Variants in ITPR1 observed in about 807,000 individuals in gnomAD.
The protein encoded by ITPR1 is inositol 1,4,5-trisphosphate receptor type 1.
ITPR1 carries 96 observed loss-of-function variants against 318.4 expected under a neutral mutation model. The observed-to-expected ratio is 0.30, with a 90% CI of 0.26 to 0.36. ITPR1 has a LOEUF of 0.36. Ranked by LOEUF, ITPR1 falls within the 10% of genes least tolerant of loss-of-function variation. The probability of loss-of-function intolerance (pLI) is 1.00; values close to 1 mark genes in which losing one functional copy is unlikely to be tolerated. For missense variants in ITPR1, 2,440 were observed against 3,460.2 expected (o/e 0.71, Z 7.40); for synonymous variants, 1,312 against 1,289.9 (o/e 1.02, Z -0.37).
intron 2 of ITPR1, among the ~76,000 whole-genome samples, chr3:4,514,898 T>C (rs9819848): frequency 0.023 from 3,445 of 152,318 alleles, 124 homozygotes; most frequent in African/African-American, 0.077. Context: ...ATATAAAATA[T>C]GTAGTTACGA....
intron 4 of ITPR1, among the ~76,000 whole-genome samples, chr3:4,550,262 G>A (rs895616767): frequency 6.6e-6 from 1 of 152,056 alleles, no homozygotes; most frequent in African/African-American, 2.4e-5. Context: ...TAGACTCAAG[G>A]GCCACAGCAA....
intron 5 of ITPR1, among the ~76,000 whole-genome samples, chr3:4,628,094 C>G (rs1022978927): frequency 6.6e-6 from 1 of 152,166 alleles, no homozygotes; most frequent in South Asian, 2.1e-4. Flanking sequence ...TTCTCAGCCA[C>G]TCTCTTTGCA....
At chr3:4,734,633 C>A (rs988254040) in intron 43 of ITPR1, among the ~76,000 whole-genome samples, 3 of 152,216 alleles carry the variant, frequency 2.0e-5, no homozygotes, top group African/African-American at 7.2e-5. Context: ...TATTCATCTC[C>A]CCCATCCCCA....
At chr3:4,705,261 G>T (rs1364938148) in intron 36 of ITPR1, among the ~76,000 whole-genome samples, 4 of 152,062 alleles carry the variant, frequency 2.6e-5, no homozygotes, top group African/African-American at 9.7e-5. Context: ...ATAATTTCAG[G>T]TTTATGGGAC....
intron 12 of ITPR1, among the ~76,000 whole-genome samples, chr3:4,657,385 AGTTTTTTTTTT>A (rs1196688303): frequency 8.3e-6 from 1 of 121,136 alleles, no homozygotes; most frequent in Non-Finnish European, 1.5e-5. Flanking sequence ...ATGTACCTAG[AGTTTTTTTTTT>A]GTTTTTTTTT....
intron 4 of ITPR1, among the ~76,000 whole-genome samples, chr3:4,582,837 C>T (rs73009417): frequency 2.6e-5 from 4 of 152,204 alleles, no homozygotes; most frequent in Middle Eastern, 3.4e-3. Flanking sequence ...TGTTCTCCTT[C>T]TTCCAGCTCT....
At chr3:4,587,080 C>T (rs999011054) in intron 4 of ITPR1, among the ~76,000 whole-genome samples, 42 of 152,082 alleles carry the variant, frequency 2.8e-4, no homozygotes, top group Non-Finnish European at 5.9e-5. Context: ...TTTTACATTT[C>T]CCTGGAGATT....
chr3:4,731,481 C>T (rs1331744082), intron 42 of ITPR1, among the ~76,000 whole-genome samples: 3 of 152,176 alleles, frequency 2.0e-5, no homozygotes, highest in African/African-American at 7.2e-5. Context: ...AGAAGTTACC[C>T]TCCTTTGCTG....
intron 30 of ITPR1, among the ~76,000 whole-genome samples, chr3:4,687,298 C>G: frequency 6.6e-6 from 1 of 152,252 alleles, no homozygotes; most frequent in Non-Finnish European, 1.5e-5. Context: ...GAACCAAAAG[C>G]TAACATTTAC....
chr3:4,807,526 A>C (rs2048661686), intron 55 of ITPR1, among the ~76,000 whole-genome samples: 1 of 152,176 alleles, frequency 6.6e-6, no homozygotes, highest in Non-Finnish European at 1.5e-5. Context: ...AGGGTCTTAG[A>C]ATAGCACTGC....
intron 46 of ITPR1, among the ~76,000 whole-genome samples, chr3:4,774,552 C>T (rs1343308768): frequency 6.6e-6 from 1 of 152,214 alleles, no homozygotes; most frequent in Non-Finnish European, 1.5e-5. Flanking sequence ...CATTAAAATA[C>T]TCTATTTCTC....
intron 2 of ITPR1, among the ~76,000 whole-genome samples, chr3:4,496,677 G>A (rs868599833): frequency 6.6e-6 from 1 of 152,118 alleles, no homozygotes; most frequent in South Asian, 2.1e-4. Flanking sequence ...TTGGTATTGC[G>A]GGGAGGGAGG....
At chr3:4,558,242 T>C (rs1278054301) in intron 4 of ITPR1, among the ~76,000 whole-genome samples, 1 of 152,104 alleles carries the variant, frequency 6.6e-6, no homozygotes, top group African/African-American at 2.4e-5. Flanking sequence ...TTGAAGAAAG[T>C]TAAGGACATA....
chr3:4,667,662 GT>G lies in ITPR1; in HGVS notation c.1886+115del. The G allele has an allele frequency of 3.8e-6, 4 of 1,053,902 alleles. No individual in the cohort carries two copies. The South Asian group carries it at 5.6e-5, about 15-fold the overall frequency. 65.3% of individuals were successfully genotyped at this position (1,053,902 alleles called of 1,614,324 possible). ...TGCTGCTAGTGACAAGTTTTGATTAGTTAGGTCTGGAGAGGCTTTTTGATGA... is the reference window on the plus strand; with the variant it reads ...TGCTGCTAGTGACAAGTTTTGATTAGTAGGTCTGGAGAGGCTTTTTGATGA... On this transcript the variant is annotated intron_variant, in intron 18 of 61. Coordinates refer to ENST00000649015, the MANE Select transcript of ITPR1 (RefSeq NM_001378452.1).
chr3:4,768,916 TTC>T lies in ITPR1; in HGVS notation c.5979+154_5979+155del, dbSNP rs796445258. Among the ~76,000 whole-genome samples, 5,843 of 149,920 alleles carry T rather than the reference TTC, an allele frequency of 0.039. 389 individuals are homozygous for T. The highest frequency in any genetic ancestry group is 0.14 in the African/African-American group (5,564 of 40,486). ...TTTTTTCCTTTTTCTTTTTTCTTTT[TTC>T]TTTTTTTTTGAGATGGAGTCTCGCT... On this transcript the variant is annotated intron_variant, in intron 46 of 61. Coordinates refer to ENST00000649015, the MANE Select transcript of ITPR1 (RefSeq NM_001378452.1).
At chr3:4,806,719 G>C (rs1352217486) in intron 55 of ITPR1, among the ~76,000 whole-genome samples, 1 of 152,150 alleles carries the variant, frequency 6.6e-6, no homozygotes, top group Non-Finnish European at 1.5e-5. Flanking sequence ...CGGGATTCAT[G>C]ATCATGAGCT....
At chr3:4,523,474 CA>C (rs1392014617) in intron 4 of ITPR1, among the ~76,000 whole-genome samples, 1 of 151,614 alleles carries the variant, frequency 6.6e-6, no homozygotes, top group Non-Finnish European at 1.5e-5. Context: ...TAGTGAGTTT[CA>C]AATATACGGT....
intron 4 of ITPR1, among the ~76,000 whole-genome samples, chr3:4,598,174 T>C (rs2090998425): frequency 6.6e-6 from 1 of 152,226 alleles, no homozygotes; most frequent in Non-Finnish European, 1.5e-5. Flanking sequence ...CTCCCCTGGT[T>C]GAAAGGAAGC....
chr3:4,717,055 C>T (rs140502534), intron 39 of ITPR1, among the ~76,000 whole-genome samples: 4 of 152,356 alleles, frequency 2.6e-5, no homozygotes, highest in Admixed American at 6.5e-5. Context: ...TGCCCTTGCT[C>T]CCAGCTCGGT....
Sources: allele counts gnomAD v4.1 joint callset (sites outside exome capture counted in the v4.1 genomes callset), GRCh38; gene constraint gnomAD v4.1.1; transcripts MANE v1.5; gene names NCBI Gene and HGNC (gene_info 2026-07-23, HGNC 2026-07-21).